SGMS1: variants seen among roughly 807,000 people sequenced by gnomAD.
SGMS1 encodes sphingomyelin synthase 1, also known as phosphatidylcholine:ceramide cholinephosphotransferase 1.
In SGMS1, 13 loss-of-function variants were observed where a neutral mutation model predicts 46.2. The observed-to-expected ratio is 0.28, with a 90% CI of 0.18 to 0.45. The LOEUF is 0.45. Among genes scored for constraint, SGMS1 ranks in the 20% least tolerant of loss-of-function variants. The probability of loss-of-function intolerance (pLI) is 1.00; values close to 1 mark genes in which losing one functional copy is unlikely to be tolerated. For synonymous variants in SGMS1, 203 were observed against 187.8 expected (o/e 1.08, Z -0.66); for missense variants, 324 against 519.9 (o/e 0.62, Z 3.66).
chr10:50,341,538 T>C, intron 7 of SGMS1: 2 of 428,460 alleles, frequency 4.7e-6, no homozygotes, highest in South Asian at 3.3e-5. Context: ...CATCCAATTA[T>C]GTTAGAATCT....
At chr10:50,546,821 T>C (rs1379320444) in intron 2 of SGMS1, among the ~76,000 whole-genome samples, 1 of 152,058 alleles carries the variant, frequency 6.6e-6, no homozygotes, top group Non-Finnish European at 1.5e-5. Flanking sequence ...TGTATACATA[T>C]GTAACAAACC....
chr10:50,555,084 T>C (rs747721173), intron 2 of SGMS1, among the ~76,000 whole-genome samples: 6 of 152,152 alleles, frequency 3.9e-5, no homozygotes, highest in Admixed American at 1.3e-4. Context: ...GTCACCAGCA[T>C]CATGCCCTCA....
intron 6 of SGMS1, among the ~76,000 whole-genome samples, chr10:50,353,466 A>G (rs999857132): frequency 1.2e-4 from 19 of 152,408 alleles, no homozygotes; most frequent in African/African-American, 4.1e-4. Context: ...TCTATGACAA[A>G]CCCACAGCTA....
At position 50,583,986 on chromosome 10, in the gene SGMS1, G is replaced by T. The variant is rs1048063283; in HGVS notation, c.-589+6167C>A. 2.6e-5 allele frequency among the ~76,000 whole-genome samples: 4 copies of T among 152,118 alleles called. No homozygotes were observed. The South Asian group carries it at 8.3e-4, about 32-fold the overall frequency. ...AGGAATCTGGCCTATCAAAAAATTTGTTTCAGAAAATTTCATTTTTAATCA... is the reference window on the plus strand; with the variant it reads ...AGGAATCTGGCCTATCAAAAAATTTTTTTCAGAAAATTTCATTTTTAATCA... On this transcript the variant is annotated intron_variant, in intron 2 of 10. Transcript: ENST00000361781.
chr10:50,564,951 T>C (rs1485746896), intron 2 of SGMS1, among the ~76,000 whole-genome samples: 1 of 152,162 alleles, frequency 6.6e-6, no homozygotes, highest in Non-Finnish European at 1.5e-5. Context: ...TCTCCACCAT[T>C]CTCAGCTGGC....
chr10:50,542,112 A>T (rs1838058453), intron 2 of SGMS1, among the ~76,000 whole-genome samples: 1 of 152,196 alleles, frequency 6.6e-6, no homozygotes, highest in Non-Finnish European at 1.5e-5. Context: ...CACAGCTTTG[A>T]AGCTACAGCA....
chr10:50,586,393 G>A (rs1838484660), intron 2 of SGMS1, among the ~76,000 whole-genome samples: 1 of 152,216 alleles, frequency 6.6e-6, no homozygotes, highest in Non-Finnish European at 1.5e-5. Flanking sequence ...GAACTCTACA[G>A]AACAACTGGC....
chr10:50,497,431 T>C (rs531119341), intron 3 of SGMS1, among the ~76,000 whole-genome samples: 1 of 152,334 alleles, frequency 6.6e-6, no homozygotes, highest in East Asian at 1.9e-4. Context: ...ATATTAAACT[T>C]GTCCATATGG....
intron 6 of SGMS1, among the ~76,000 whole-genome samples, chr10:50,384,140 G>A (rs749131747): frequency 2.0e-5 from 3 of 152,066 alleles, no homozygotes; most frequent in Non-Finnish European, 4.4e-5. Flanking sequence ...TTGTTTATAC[G>A]CCACCCAGTC....
chr10:50,352,632 A>G (rs1220137027), intron 6 of SGMS1, among the ~76,000 whole-genome samples: 2 of 152,214 alleles, frequency 1.3e-5, no homozygotes, highest in Non-Finnish European at 2.9e-5. Flanking sequence ...AATCTCATAC[A>G]TAGCAAAGAG....
intron 2 of SGMS1, among the ~76,000 whole-genome samples, chr10:50,535,958 C>A (rs1429704168): frequency 2.6e-5 from 4 of 152,132 alleles, no homozygotes; most frequent in Non-Finnish European, 5.9e-5. Flanking sequence ...TTTATACATT[C>A]TTCTTCTTTA....
rs533078951 is a variant in SGMS1 at position 50,343,944 on chromosome 10, C to A, written c.171G>T (p.Gly57=). Residue 57 remains glycine (G), a synonymous_variant, in exon 7 of 11, where the codon GGG becomes GGT. Transcript: ENST00000361781. ...TTTCTATCATGTCCAGGAGCCGCTGCCCATTGTCAGAGGAGACTCGGCACA... is the reference window on the plus strand; with the variant it reads ...TTTCTATCATGTCCAGGAGCCGCTGACCATTGTCAGAGGAGACTCGGCACA... ...PPLCRVSSDN[G]QRLLDMIETL... is the part of the protein sequence containing the mutation. The A allele has an allele frequency of 6.2e-7, 1 of 1,614,132 alleles. No individual in the cohort carries two copies. The highest frequency in any genetic ancestry group is 1.1e-5 in the South Asian group (1 of 91,074).
intron 3 of SGMS1, among the ~76,000 whole-genome samples, chr10:50,484,272 T>C (rs1162510037): frequency 6.6e-6 from 1 of 152,028 alleles, no homozygotes; most frequent in African/African-American, 2.4e-5. Context: ...AACACCTCTA[T>C]GCAAAAAAAA....
chr10:50,412,399 T>C (rs1011365358), intron 6 of SGMS1, among the ~76,000 whole-genome samples: 10 of 152,218 alleles, frequency 6.6e-5, no homozygotes, highest in Non-Finnish European at 1.3e-4. Flanking sequence ...CTTTATAAGG[T>C]AGACAACAGA....
intron 2 of SGMS1, among the ~76,000 whole-genome samples, chr10:50,572,027 T>C (rs960576825): frequency 5.9e-5 from 9 of 152,246 alleles, no homozygotes; most frequent in Middle Eastern, 6.8e-3. Flanking sequence ...CCACCATGTA[T>C]CTTGTAACAG....
At chr10:50,406,151 CA>C (rs1849011572) in intron 6 of SGMS1, among the ~76,000 whole-genome samples, 1 of 152,152 alleles carries the variant, frequency 6.6e-6, no homozygotes, top group Admixed American at 6.5e-5. Context: ...CTCTCAGCTA[CA>C]AATTCACCAT....
At chr10:50,589,190 C>T (rs1372293041) in intron 2 of SGMS1, among the ~76,000 whole-genome samples, 1 of 152,086 alleles carries the variant, frequency 6.6e-6, no homozygotes, top group Non-Finnish European at 1.5e-5. Flanking sequence ...AGTTCCATGC[C>T]TTTATATTCA....
At chr10:50,579,941 C>T (rs191028318) in intron 2 of SGMS1, among the ~76,000 whole-genome samples, 36 of 152,082 alleles carry the variant, frequency 2.4e-4, no homozygotes, top group East Asian at 2.1e-3. Context: ...AAGATTTCTC[C>T]GAGATGTAAT....
intron 2 of SGMS1, among the ~76,000 whole-genome samples, chr10:50,533,254 G>A (rs960802682): frequency 6.6e-6 from 1 of 152,076 alleles, no homozygotes; most frequent in Non-Finnish European, 1.5e-5. Flanking sequence ...TTTTCCCCAA[G>A]AAATTCTTTT....
Sources: gnomAD v4.1 joint callset for allele counts (sites outside exome capture counted in the v4.1 genomes callset) on GRCh38, gnomAD v4.1.1 for gene constraint, MANE v1.5 for transcripts, NCBI Gene and HGNC (gene_info 2026-07-23, HGNC 2026-07-21) for gene names.